PTPRD: variants seen among roughly 807,000 people sequenced by gnomAD.
PTPRD encodes protein tyrosine phosphatase receptor type D.
In PTPRD, 34 loss-of-function variants were observed where a neutral mutation model predicts 214.5. The ratio of observed to expected loss-of-function variants is 0.16; its 90% confidence interval spans 0.12 to 0.21. PTPRD has a LOEUF of 0.21. PTPRD is among the 10% of genes least tolerant of loss of function. The pLI is 1.00. For missense variants in PTPRD, 2,545 were observed against 2,398.7 expected (o/e 1.06, Z -1.27); for synonymous variants, 1,128 against 845.7 (o/e 1.33, Z -5.79).
chr9:9,330,640 A>G (rs147792276), intron 9 of PTPRD, among the ~76,000 whole-genome samples: 2,024 of 152,102 alleles, frequency 0.013, 46 homozygotes, highest in African/African-American at 0.047. Flanking sequence ...ATATTGATTC[A>G]TTTTTATTAA....
chr9:9,439,115 A>G (rs1451125228), intron 8 of PTPRD, among the ~76,000 whole-genome samples: 1 of 152,194 alleles, frequency 6.6e-6, no homozygotes, highest in East Asian at 1.9e-4. Context: ...AGTATAAAGT[A>G]GCATTAAAAT....
chr9:9,872,323 T>G (rs1331610362), intron 5 of PTPRD, among the ~76,000 whole-genome samples: 1 of 152,028 alleles, frequency 6.6e-6, no homozygotes, highest in Non-Finnish European at 1.5e-5. Flanking sequence ...CCTCCACAAT[T>G]AAATGGAGAC....
chr9:10,607,313 C>T (rs149803904), intron 2 of PTPRD, among the ~76,000 whole-genome samples: 1 of 151,810 alleles, frequency 6.6e-6, no homozygotes, highest in Non-Finnish European at 1.5e-5. Flanking sequence ...GATTTAAGAA[C>T]TAATTAGAGA....
intron 2 of PTPRD, among the ~76,000 whole-genome samples, chr9:10,446,228 C>G (rs2098798050): frequency 6.6e-6 from 1 of 151,484 alleles, no homozygotes; most frequent in Non-Finnish European, 1.5e-5. Flanking sequence ...ACAGCTTTGA[C>G]TTAATAATAT....
At chr9:9,441,291 G>T (rs1283738684) in intron 8 of PTPRD, among the ~76,000 whole-genome samples, 1 of 152,006 alleles carries the variant, frequency 6.6e-6, no homozygotes, top group East Asian at 1.9e-4. Flanking sequence ...GGTGCAGGAG[G>T]GTATGAGTTA....
chr9:8,518,690 A>G (rs368376783), intron 20 of PTPRD, among the ~76,000 whole-genome samples: 18 of 152,184 alleles, frequency 1.2e-4, no homozygotes, highest in African/African-American at 4.3e-4. Flanking sequence ...TAGCTAAGTG[A>G]TCCTGCACGC....
At position 9,922,759 on chromosome 9, in the gene PTPRD, A is replaced by C. The variant is rs181728620; in HGVS notation, c.-368+15748T>G. The stretch of plus-strand genomic sequence containing the variant: ...ACCAAAAACAAGAACATTCTATTAA[A>C]AACAGGGGGAATTTTATCTTTAAAA... On this transcript the variant is annotated intron_variant, in intron 5 of 45. Transcript: ENST00000381196. Among the ~76,000 whole-genome samples, 870 of 151,594 alleles carry C rather than the reference A, an allele frequency of 5.7e-3. 6 individuals carry two copies. Among genetic ancestry groups the C allele is most frequent in the African/African-American group, 0.019 (805 of 41,504 alleles).
chr9:9,476,678 G>A (rs531712540), intron 8 of PTPRD, among the ~76,000 whole-genome samples: 1 of 152,274 alleles, frequency 6.6e-6, no homozygotes, highest in East Asian at 1.9e-4. Flanking sequence ...TGAGTATACA[G>A]ATAGAAATCT....
At chr9:9,336,133 A>G (rs1057346995) in intron 9 of PTPRD, among the ~76,000 whole-genome samples, 11 of 150,638 alleles carry the variant, frequency 7.3e-5, no homozygotes, top group Admixed American at 2.0e-4. Context: ...ATGCAAAGAT[A>G]TAAGCTTTGT....
Position 8,404,725 on chromosome 9 carries a change from T to C in PTPRD, c.4087-65A>G, listed in dbSNP as rs577058335. On this transcript the variant is annotated intron_variant, in intron 35 of 45. Coordinates refer to ENST00000381196, the MANE Select transcript of PTPRD (RefSeq NM_002839.4). ...TGAAAACCACCAGATTATAGGCATT[T>C]ATCACATGTAATAAACATGATTTAA... The C allele has an allele frequency of 6.6e-6, 10 of 1,525,996 alleles. No individual in the cohort carries two copies. The African/African-American group carries it at 1.1e-4, about 17-fold the overall frequency. The allele number at this position is 1,525,996 out of a possible 1,614,324, so 94.5% of individuals were successfully genotyped here.
intron 9 of PTPRD, among the ~76,000 whole-genome samples, chr9:9,312,113 T>C (rs530482464): frequency 6.6e-6 from 1 of 152,204 alleles, no homozygotes; most frequent in Non-Finnish European, 1.5e-5. Flanking sequence ...TCACAGATCA[T>C]AAACATTAAG....
rs922042735 is a variant in PTPRD at position 10,078,293 on chromosome 9, G to A, written c.-544-44503C>T. Among the ~76,000 whole-genome samples the A allele has an allele frequency of 2.7e-5, 4 of 149,474 alleles. No individual in the cohort carries two copies. In the South Asian group the frequency reaches 8.5e-4, roughly 32 times the overall value. ...TTTGGGAGGCTGAGGTGGGCAGATTGCGAGGTCAGAAGTTCGAGACCAGCC... is the reference window on the plus strand; with the variant it reads ...TTTGGGAGGCTGAGGTGGGCAGATTACGAGGTCAGAAGTTCGAGACCAGCC... On this transcript the variant is annotated intron_variant, in intron 3 of 45. Transcript: ENST00000381196.
intron 3 of PTPRD, among the ~76,000 whole-genome samples, chr9:10,091,920 C>T (rs1303284854): frequency 1.3e-5 from 2 of 151,272 alleles, no homozygotes; most frequent in Non-Finnish European, 3.0e-5. Context: ...TAAAGGACGA[C>T]TCCAGATGAC....
At position 8,493,708 on chromosome 9, in the gene PTPRD, C is replaced by G. The variant is rs138429423; in HGVS notation, c.2350-729G>C. Among the ~76,000 whole-genome samples the G allele has an allele frequency of 2.0e-5, 3 of 152,252 alleles. No individual in the cohort carries two copies. In the East Asian group the frequency reaches 5.8e-4, roughly 29 times the overall value. On this transcript the variant is annotated intron_variant, in intron 26 of 45. Coordinates refer to ENST00000381196, the MANE Select transcript of PTPRD (RefSeq NM_002839.4). ...CATAAAAGCAAAGAATACAACAGGACTTTAGTTTTACCACATCACTAGTAT... is the reference window on the plus strand; with the variant it reads ...CATAAAAGCAAAGAATACAACAGGAGTTTAGTTTTACCACATCACTAGTAT...
intron 14 of PTPRD, among the ~76,000 whole-genome samples, chr9:8,589,295 A>G (rs965482167): frequency 6.6e-6 from 1 of 152,188 alleles, no homozygotes; most frequent in African/African-American, 2.4e-5. Flanking sequence ...ATTTTAACCG[A>G]TAAACACTAA....
intron 3 of PTPRD, among the ~76,000 whole-genome samples, chr9:10,304,325 C>G (rs1409186514): frequency 6.6e-6 from 1 of 151,964 alleles, no homozygotes; most frequent in Non-Finnish European, 1.5e-5. Flanking sequence ...GGGGAAAAAC[C>G]AGAAGCATTT....
At chr9:8,591,174 C>T (rs1456801809) in intron 14 of PTPRD, among the ~76,000 whole-genome samples, 2 of 152,202 alleles carry the variant, frequency 1.3e-5, no homozygotes, top group African/African-American at 4.8e-5. Flanking sequence ...TAATCTCCCT[C>T]ACTTAAGGAC....
chr9:9,689,778 G>C (rs893742973), intron 7 of PTPRD, among the ~76,000 whole-genome samples: 1 of 151,840 alleles, frequency 6.6e-6, no homozygotes, highest in African/African-American at 2.4e-5. Flanking sequence ...TGAACATAAT[G>C]ACCTCCAGTT....
intron 9 of PTPRD, among the ~76,000 whole-genome samples, chr9:9,245,417 C>T (rs899238611): frequency 4.6e-5 from 7 of 152,238 alleles, no homozygotes; most frequent in Non-Finnish European, 1.0e-4. Context: ...GGCACATATA[C>T]ACCACGGAGT....
Sources: gnomAD v4.1 joint callset for allele counts (sites outside exome capture counted in the v4.1 genomes callset) on GRCh38, gnomAD v4.1.1 for gene constraint, MANE v1.5 for transcripts, NCBI Gene and HGNC (gene_info 2026-07-23, HGNC 2026-07-21) for gene names.